Variants in FBXO5 observed in about 807,000 individuals in gnomAD.
The protein encoded by FBXO5 is F-box protein 5, also known as F-box only protein 5.
Under a neutral mutation model 43.3 loss-of-function variants are expected in FBXO5, and 8 were observed. The ratio of observed to expected loss-of-function variants is 0.18; its 90% CI spans 0.11 to 0.33. The LOEUF (loss-of-function observed/expected upper bound fraction) is 0.33. Among genes scored for constraint, FBXO5 ranks in the 10% least tolerant of loss-of-function variants. FBXO5 has a pLI of 1.00. For synonymous variants in FBXO5, 204 were observed against 193.7 expected, an observed-to-expected ratio of 1.05 and a Z score of -0.44; for missense variants, 491 against 535.7, an observed-to-expected ratio of 0.92 and a Z score of 0.82.
intron 3 of FBXO5, 119 bp downstream of exon 3, chr6:152,972,927 A>C (rs1286832060): frequency 3.2e-6 from 2 of 619,126 alleles, no homozygotes; most frequent in East Asian, 2.9e-5. Flanking sequence ...GTTCCAGTAT[A>C]AGGCTGAAAT....
rs750710095 is a variant in FBXO5 at position 152,974,941 on chromosome 6, T to C, written c.784A>G (p.Ile262Val). The change falls in exon 2 of 5, where the codon ATT becomes GTT. Residue 262 changes from isoleucine to valine, a missense_variant. Physicochemically the swap from Ile to Val is conservative, Grantham distance 29 (BLOSUM62 3). Transcript: ENST00000229758. ...RRGLRHVLAT[I>V]LAQLSDMDLI... The stretch of plus-strand genomic sequence containing the variant: ...TCCATGTCACTGAGTTGTGCTAAAA[T>C]AGTTGCTAAGACATGTCTGAGTCCC... 1.9e-6 allele frequency: 3 copies of C among 1,607,764 alleles called. No homozygotes were observed. The highest frequency in any genetic ancestry group is 8.5e-7 in the Non-Finnish European group (1 of 1,178,036).
rs1172620600 is a variant in FBXO5, at chr6:152,972,845, T to C, written c.909+201A>G. 1.4e-5 allele frequency: 6 copies of C among 443,238 alleles called. No individual in the cohort carries two copies. In the Admixed American group the frequency reaches 2.5e-4, roughly 19 times the overall value. The allele number at this position is 443,238 out of a possible 1,614,324, so 27.5% of individuals were successfully genotyped here. On this transcript the variant is annotated intron_variant, in intron 3 of 4. Coordinates refer to ENST00000229758, the MANE Select transcript of FBXO5 (RefSeq NM_012177.5). Reference sequence around the variant, plus strand: ...AATTTTCCCTTTGTTACTTTAGACATTCTATTTCTAGGAAGAATCCAAGAA... The same window carrying C: ...AATTTTCCCTTTGTTACTTTAGACACTCTATTTCTAGGAAGAATCCAAGAA...
chr6:152,973,021 A>G, intron 3 of FBXO5, 25 bp downstream of exon 3: 4 of 1,594,796 alleles, frequency 2.5e-6, no homozygotes, highest in Non-Finnish European at 3.4e-6. Flanking sequence ...ATTTTTAACT[A>G]AAAACATCAT....
chr6:152,980,132 G>C (rs1431670381), intron 1 of FBXO5, among the ~76,000 whole-genome samples: 1 of 152,126 alleles, frequency 6.6e-6, no homozygotes, highest in African/African-American at 2.4e-5. Flanking sequence ...GGCCAAATTT[G>C]GGAAATATGT....
At chr6:152,972,841 G>T in intron 3 of FBXO5, 1 of 448,500 alleles carries the variant, frequency 2.2e-6, no homozygotes, top group Non-Finnish European at 3.8e-6. Flanking sequence ...TGTTACTTTA[G>T]ACATTCTATT....
chr6:152,972,671 T>C, intron 3 of FBXO5: 1 of 508,984 alleles, frequency 2.0e-6, no homozygotes, highest in Non-Finnish European at 3.5e-6. Flanking sequence ...CCAAATACTA[T>C]GGGAAATCAC....
intron 1 of FBXO5, among the ~76,000 whole-genome samples, chr6:152,978,295 A>C (rs1407752704): frequency 7.2e-6 from 1 of 138,300 alleles, no homozygotes; most frequent in Admixed American, 8.4e-5. Context: ...TTTGTACATC[A>C]TGCCTTTCCC....
chr6:152,976,308 C>A (rs954857033), intron 1 of FBXO5, among the ~76,000 whole-genome samples: 1 of 152,190 alleles, frequency 6.6e-6, no homozygotes, highest in African/African-American at 2.4e-5. Context: ...ATTTAAACAT[C>A]TATAAATTAA....
At chr6:152,971,521 T>C (rs1348616374) in intron 4 of FBXO5, 107 bp from the exon 5 acceptor site, 7 of 1,128,594 alleles carry the variant, frequency 6.2e-6, no homozygotes, top group Non-Finnish European at 8.7e-6. Context: ...ATGTATGAAA[T>C]ATCACTGTCA....
intron 4 of FBXO5, 47 bp downstream of exon 4, chr6:152,972,225 C>T (rs753712991): frequency 2.1e-6 from 3 of 1,419,454 alleles, no homozygotes; most frequent in South Asian, 1.3e-5. Flanking sequence ...ACATTTCTTA[C>T]TCTAAATCTC....
At chr6:152,973,365 C>G in intron 2 of FBXO5, 1 of 489,640 alleles carries the variant, frequency 2.0e-6, no homozygotes, top group Non-Finnish European at 3.7e-6. Flanking sequence ...TGCATTGAGG[C>G]TTAAGAACCA....
chr6:152,973,272 T>G, intron 2 of FBXO5, 136 bp from the exon 3 acceptor site: 1 of 668,804 alleles, frequency 1.5e-6, no homozygotes, highest in Non-Finnish European at 2.5e-6. Context: ...ACATTACAAT[T>G]GCCTGGCGGT....
Position 152,975,165 on chromosome 6 carries a change from GGATA to G in FBXO5, c.556_559del (p.Tyr186ProfsTer19), listed in dbSNP as rs1778146980. The stretch of plus-strand genomic sequence containing the variant: ...AAGAACTGGCAGCAAGTTTTTGTTG[GGATA>G]TTGGTCTGGGCTTTGTATTTGTAGC... On this transcript the variant is annotated frameshift_variant, in exon 2 of 5. Transcript: ENST00000229758. LOFTEE classifies it high-confidence loss of function. The G allele has an allele frequency of 6.2e-7, 1 of 1,614,000 alleles. No individual in the cohort carries two copies. Among genetic ancestry groups the G allele is most frequent in the Non-Finnish European group, 8.5e-7 (1 of 1,180,036 alleles).
chr6:152,975,829 A>G (rs1011783776), intron 1 of FBXO5, among the ~76,000 whole-genome samples: 1 of 152,354 alleles, frequency 6.6e-6, no homozygotes. Context: ...TTATAAGTAC[A>G]TACATATTAT....
rs539768628 is a variant in FBXO5, at chr6:152,974,615, G to A, written c.818+292C>T. 2.6e-5 allele frequency among the ~76,000 whole-genome samples: 4 copies of A among 152,328 alleles called. No homozygotes were observed. In the East Asian group the frequency reaches 5.8e-4, roughly 22 times the overall value. ...TGTAAGGTTATCTACAACAGGTTGAGCATCTCTAATCCAAAAATCTGAAAA... is the reference window on the plus strand; with the variant it reads ...TGTAAGGTTATCTACAACAGGTTGAACATCTCTAATCCAAAAATCTGAAAA... On this transcript the variant is annotated intron_variant, in intron 2 of 4. Coordinates refer to ENST00000229758, the MANE Select transcript of FBXO5 (RefSeq NM_012177.5).
At chr6:152,983,294 C>G (rs1778297703), upstream of FBXO5, 1 of 253,256 alleles carries the variant, frequency 3.9e-6, no homozygotes, top group Non-Finnish European at 7.5e-6. Context: ...CACGGGGAGG[C>G]CGCGGCCCGG....
At chr6:152,980,278 G>A (rs544418335) in intron 1 of FBXO5, among the ~76,000 whole-genome samples, 1 of 152,060 alleles carries the variant, frequency 6.6e-6, no homozygotes, top group Non-Finnish European at 1.5e-5. Flanking sequence ...TCAGTGACAG[G>A]GTAGGGAGAG....
chr6:152,973,734 C>A (rs572643458), intron 2 of FBXO5: 1 of 152,348 alleles, frequency 6.6e-6, no homozygotes, highest in Non-Finnish European at 1.5e-5. Flanking sequence ...TGGTGGCACA[C>A]GCCTGTAGTC....
At chr6:152,980,424 G>GAA (rs1778243104) in intron 1 of FBXO5, among the ~76,000 whole-genome samples, 1 of 152,174 alleles carries the variant, frequency 6.6e-6, no homozygotes, top group African/African-American at 2.4e-5. Context: ...GTTCAAGGAA[G>GAA]AGAAATATCT....
Sources: allele counts gnomAD v4.1 joint callset (sites outside exome capture counted in the v4.1 genomes callset), GRCh38; gene constraint gnomAD v4.1.1; transcripts MANE v1.5; gene names NCBI Gene and HGNC (gene_info 2026-07-23, HGNC 2026-07-21).